The following ODR4 variants were observed in gnomAD, a reference collection of about 807,000 sequenced individuals.
ODR4 encodes protein odr-4 homolog.
In ODR4, 47 loss-of-function variants were observed where a neutral mutation model predicts 60.2. That is an observed-to-expected ratio of 0.78 (90% CI 0.62 to 1.00). The LOEUF is 1.00. Among genes scored for constraint, ODR4 ranks in the 50% least tolerant of loss-of-function variants. ODR4 has a pLI of 0.00. For synonymous variants in ODR4, 178 were observed against 175.5 expected (o/e 1.01, Z -0.11); for missense variants, 488 against 530.8 (o/e 0.92, Z 0.79).
chr1:186,397,183 A>G (rs1660715733), intron 9 of ODR4, among the ~76,000 whole-genome samples: 2 of 152,182 alleles, frequency 1.3e-5, no homozygotes, highest in Admixed American at 6.5e-5. Context: ...GAATTACACT[A>G]GACATCAATA....
chr1:186,380,575 CAA>C (rs76089299), intron 2 of ODR4, among the ~76,000 whole-genome samples: 33 of 129,708 alleles, frequency 2.5e-4, no homozygotes, highest in Non-Finnish European at 2.1e-4. Flanking sequence ...AGTACAAAGC[CAA>C]AAAAAAAAAA....
intron 2 of ODR4, among the ~76,000 whole-genome samples, chr1:186,380,623 T>C (rs1455875699): frequency 1.3e-5 from 2 of 149,478 alleles, no homozygotes; most frequent in Non-Finnish European, 3.0e-5. Flanking sequence ...ACTGTGTCCA[T>C]CCAAACACAG....
the ODR4 span, among the ~76,000 whole-genome samples, chr1:186,433,510 G>T: frequency 6.6e-6 from 1 of 152,020 alleles, no homozygotes; most frequent in Non-Finnish European, 1.5e-5. Flanking sequence ...TTTTGAAAAT[G>T]TTCCTTGTGT....
chr1:186,378,372 T>C (rs1160455753), intron 1 of ODR4, among the ~76,000 whole-genome samples: 1 of 152,238 alleles, frequency 6.6e-6, no homozygotes, highest in Non-Finnish European at 1.5e-5. Flanking sequence ...GTTTGTTTTA[T>C]AGCTCTTTTG....
chr1:186,430,061 T>C, the ODR4 span, among the ~76,000 whole-genome samples: 1 of 152,118 alleles, frequency 6.6e-6, no homozygotes, highest in African/African-American at 2.4e-5. Context: ...TGGATTTTTA[T>C]AACAGTTTTG....
chr1:186,428,524 A>G, the ODR4 span, among the ~76,000 whole-genome samples: 2 of 152,170 alleles, frequency 1.3e-5, no homozygotes, highest in South Asian at 2.1e-4. Context: ...CAATAAGGCT[A>G]TTTCACTTAT....
downstream of ODR4, among the ~76,000 whole-genome samples, chr1:186,424,396 G>A (rs540842471): frequency 6.6e-5 from 10 of 152,250 alleles, no homozygotes; most frequent in East Asian, 1.9e-3. Context: ...CAGGATAGTG[G>A]CAAGGTGTAA....
At chr1:186,401,162 C>G (rs750276317) in intron 11 of ODR4, 1 of 1,593,096 alleles carries the variant, frequency 6.3e-7, no homozygotes, top group South Asian at 1.1e-5. Context: ...GGTATTCTTT[C>G]ATATTGTTAG....
chr1:186,415,456 CTCTT>C (rs1291892700), intron 12 of ODR4, among the ~76,000 whole-genome samples: 1 of 152,140 alleles, frequency 6.6e-6, no homozygotes, highest in East Asian at 1.9e-4. Flanking sequence ...AGTTCTCTCT[CTCTT>C]TTTTGTGGGG....
At position 186,419,627 on chromosome 1, in the gene ODR4, A is replaced by C. The variant is rs1299191507; in HGVS notation, c.*551A>C. 1 of 153,102 alleles carries C rather than the reference A, an allele frequency of 6.5e-6. No homozygotes were observed. Among genetic ancestry groups the C allele is most frequent in the African/African-American group, 2.4e-5 (1 of 41,422 alleles). 9.5% of individuals were successfully genotyped at this position (153,102 alleles called of 1,614,324 possible). Reference sequence around the variant, plus strand: ...ACTTGGAGGCTGAAGCAGGAAGATCACGTGAGCCCAGGAGTTTGAGGCTGC... The same window carrying C: ...ACTTGGAGGCTGAAGCAGGAAGATCCCGTGAGCCCAGGAGTTTGAGGCTGC... On this transcript the variant is annotated 3_prime_UTR_variant, in exon 14 of 14. Transcript: ENST00000287859.
chr1:186,389,738 C>A, intron 6 of ODR4, 114 bp downstream of exon 6: 1 of 677,180 alleles, frequency 1.5e-6, no homozygotes, highest in Non-Finnish European at 2.5e-6. Context: ...TTGATGCCTA[C>A]AAACAACTGT....
At chr1:186,401,586 C>CCCTTTCCCTCCCCT (rs1558084250) in intron 11 of ODR4, 1 of 158,502 alleles carries the variant, frequency 6.3e-6, no homozygotes, top group Non-Finnish European at 1.3e-5. Flanking sequence ...TCCCTTCCCT[C>CCCTTTCCCTCCCCT]CCCTTCCCTC....
intron 11 of ODR4, among the ~76,000 whole-genome samples, chr1:186,402,186 T>TTTTCTTTCTTTCTTTCTTTCTTTC (rs777903676): frequency 0.044 from 4,010 of 91,488 alleles, 170 homozygotes; most frequent in Admixed American, 0.074. Flanking sequence ...ATAGGCATCC[T>TTTTCTTTCTTTCTTTCTTTCTTTC]ATTCTTTCTT....
intron 11 of ODR4, among the ~76,000 whole-genome samples, chr1:186,403,932 A>G (rs563827290): frequency 2.6e-5 from 4 of 152,260 alleles, no homozygotes; most frequent in South Asian, 2.1e-4. Flanking sequence ...GTCTGTGCCT[A>G]TGATTCCACT....
rs564466602 is a variant in ODR4, at chr1:186,399,052, TATAAA to T, written c.1000+13_1000+17del. 222 of 1,581,020 alleles carry T rather than the reference TATAAA, an allele frequency of 1.4e-4. 1 individual carries two copies. In the East Asian group the frequency reaches 4.0e-3, roughly 28 times the overall value. ...AAATTCCAGAAAAAAAAGTTATGAG[TATAAA>T]ATAAGTACTTTTTTGCGTATCTTCA... On this transcript the variant is annotated intron_variant, in intron 11 of 13. Coordinates refer to ENST00000287859, the MANE Select transcript of ODR4 (RefSeq NM_017847.6).
chr1:186,397,415 A>T (rs12078527), intron 9 of ODR4, among the ~76,000 whole-genome samples: 43,796 of 151,902 alleles, frequency 0.29, 6,876 homozygotes, highest in Admixed American at 0.38. Flanking sequence ...TATTTTTTGT[A>T]AATCATTATT....
At chr1:186,392,467 C>G (rs1398584464) in intron 8 of ODR4, among the ~76,000 whole-genome samples, 3 of 152,112 alleles carry the variant, frequency 2.0e-5, no homozygotes, top group Non-Finnish European at 4.4e-5. Flanking sequence ...TAAAACAGAA[C>G]GAGATCATGT....
Position 186,385,988 on chromosome 1 carries a change from G to A in ODR4, c.235G>A (p.Val79Ile). The A allele has an allele frequency of 6.4e-7, 1 of 1,555,060 alleles. No individual in the cohort carries two copies. The highest frequency in any genetic ancestry group is 1.1e-5 in the South Asian group (1 of 87,208). The change falls in exon 4 of 14, where the codon GTA (valine) becomes ATA (isoleucine). Residue 79 changes from valine to isoleucine, a missense_variant and splice_region_variant. Val to Ile is a conservative substitution (Grantham distance 29). Transcript: ENST00000287859. ...EEWATEHACQVSRMLPGGLLV... is the reference protein window; with the variant it reads ...EEWATEHACQISRMLPGGLLV... ...GCTAATAATATATTTCTATTTTTAG[G>A]TATCCAGAATGCTACCAGGGGGACT...
At chr1:186,418,535 T>G (rs978838756) in intron 13 of ODR4, among the ~76,000 whole-genome samples, 2 of 152,172 alleles carry the variant, frequency 1.3e-5, no homozygotes, top group African/African-American at 4.8e-5. Flanking sequence ...AGTTACAACT[T>G]AGATGTACTA....
Sources: allele counts gnomAD v4.1 joint callset (sites outside exome capture counted in the v4.1 genomes callset), GRCh38; gene constraint gnomAD v4.1.1; transcripts MANE v1.5; gene names NCBI Gene and HGNC (gene_info 2026-07-23, HGNC 2026-07-21).